The following FCHO1 variants were observed in gnomAD, a reference collection of about 807,000 sequenced individuals.
FCHO1 encodes FCH and mu domain containing endocytic adaptor 1, also known as F-BAR domain only protein 1.
A neutral mutation model predicts 114.4 loss-of-function variants in FCHO1; 45 were observed. That is an observed-to-expected ratio of 0.39 (90% CI 0.31 to 0.50). The LOEUF (loss-of-function observed/expected upper bound fraction) is 0.50, where lower values mean the gene tolerates loss of function less well. FCHO1 is among the 20% of genes least tolerant of loss of function. The probability of loss-of-function intolerance (pLI) is 0.77; values close to 1 mark genes in which losing one functional copy is unlikely to be tolerated. For synonymous variants in FCHO1, 480 were observed against 488.9 expected (o/e 0.98, Z 0.24); for missense variants, 1,042 against 1,209.6 (o/e 0.86, Z 2.06).
chr19:17,766,924 C>T, intron 7 of FCHO1, 114 bp downstream of exon 7: 1 of 1,146,552 alleles, frequency 8.7e-7, no homozygotes, highest in Non-Finnish European at 1.2e-6. Flanking sequence ...CCGAGAATTC[C>T]GTTAATTCCA....
chr19:17,761,969 T>C (rs1279315686), intron 4 of FCHO1, among the ~76,000 whole-genome samples: 1 of 148,112 alleles, frequency 6.8e-6, no homozygotes, highest in Non-Finnish European at 1.5e-5. Flanking sequence ...TTTATTTTTA[T>C]TTCATTCATT....
At chr19:17,774,573 G>A in intron 13 of FCHO1, 95 bp downstream of exon 13, 2 of 963,104 alleles carry the variant, frequency 2.1e-6, no homozygotes, top group Non-Finnish European at 3.2e-6. Flanking sequence ...GGATAGCCCA[G>A]GAGTATCCAT....
chr19:17,756,954 C>T (rs553173336), intron 4 of FCHO1, among the ~76,000 whole-genome samples: 3 of 151,950 alleles, frequency 2.0e-5, no homozygotes, highest in East Asian at 1.9e-4. Context: ...TTTGGGAGGC[C>T]GAGGGAGGCG....
chr19:17,758,132 G>A lies in FCHO1; in HGVS notation c.27+2941G>A, dbSNP rs151177700. The stretch of plus-strand genomic sequence containing the variant: ...GAGGAGGCTGAGGCAGGAGAATGGC[G>A]TGAACCCAGGAGACAGAGCTTGCAG... On this transcript the variant is annotated intron_variant, in intron 4 of 28. Transcript: ENST00000596536. Among the ~76,000 whole-genome samples, 356 of 151,874 alleles carry A rather than the reference G, an allele frequency of 2.3e-3. 3 individuals are homozygous for A. Among genetic ancestry groups the A allele is most frequent in the African/African-American group, 8.4e-3 (349 of 41,418 alleles).
At chr19:17,762,941 G>A (rs2086941130) in intron 5 of FCHO1, 88 bp downstream of exon 5, 3 of 898,226 alleles carry the variant, frequency 3.3e-6, no homozygotes, top group East Asian at 4.9e-5. Context: ...CATGGTCAGG[G>A]GCTAGAACCC....
At position 17,775,873 on chromosome 19, in the gene FCHO1, G is replaced by C; in HGVS notation, c.1004-110G>C. The C allele has an allele frequency of 7.6e-7, 1 of 1,317,070 alleles. No homozygotes were observed. Among genetic ancestry groups the C allele is most frequent in the Non-Finnish European group, 1.0e-6 (1 of 955,012 alleles). 81.6% of individuals were successfully genotyped at this position (1,317,070 alleles called of 1,614,324 possible). A position where few individuals can be genotyped will look rare whatever the true frequency, so the allele number is the denominator to read the frequency against. ...GAAGGTGGCGCGTGGTGAGCGATGG[G>C]ATTGGGCAGGACCTCGAAGGGTTTG... is the stretch of plus-strand genomic sequence containing the variant. On this transcript the variant is annotated intron_variant, in intron 15 of 28. Coordinates refer to ENST00000596536, the MANE Select transcript of FCHO1 (RefSeq NM_015122.3). This position sits in a 1 kb window ranked among gnomAD's most constrained non-coding sequence, Gnocchi z 5.1.
At chr19:17,774,172 G>A in intron 11 of FCHO1, 67 bp from the exon 12 acceptor site, 1 of 1,497,104 alleles carries the variant, frequency 6.7e-7, no homozygotes, top group East Asian at 2.3e-5. Flanking sequence ...GCCTCCCAAA[G>A]TGCTGGGATT....
chr19:17,748,219 C>T (rs922375941), upstream of FCHO1, among the ~76,000 whole-genome samples: 1 of 152,182 alleles, frequency 6.6e-6, no homozygotes, highest in African/African-American at 2.4e-5. Flanking sequence ...TCCCTCTTCC[C>T]AGCTCCGGCC....
chr19:17,761,118 G>C (rs759530529), intron 4 of FCHO1, among the ~76,000 whole-genome samples: 1 of 152,186 alleles, frequency 6.6e-6, no homozygotes, highest in Non-Finnish European at 1.5e-5. Context: ...TCAGTTCCCA[G>C]TGGCACTAAC....
Position 17,772,653 on chromosome 19 carries a change from G to T in FCHO1, c.702G>T (p.Glu234Asp). The change falls in exon 11 of 29, where the codon GAG becomes GAT. Residue 234 changes from glutamate (E) to aspartate (D), a missense_variant. Physicochemically the swap from Glu to Asp is conservative, Grantham distance 45. Transcript: ENST00000596536. ...CCGCCCACCCGGCACAGGTGCATGAGGAATTTAAGCAGAACATCGAGAACG... is the reference window on the plus strand; with the variant it reads ...CCGCCCACCCGGCACAGGTGCATGATGAATTTAAGCAGAACATCGAGAACG... ...DTHVQIGQVH[E>D]EFKQNIENVS... 6.2e-7 allele frequency: 1 copy of T among 1,614,084 alleles called. No individual in the cohort carries two copies. The highest frequency in any genetic ancestry group is 1.1e-5 in the South Asian group (1 of 91,076).
At chr19:17,761,653 T>TATATATATATATATATATATAC (rs1491266072) in intron 4 of FCHO1, among the ~76,000 whole-genome samples, 28 of 139,770 alleles carry the variant, frequency 2.0e-4, no homozygotes, top group Non-Finnish European at 3.5e-4. Flanking sequence ...TATATATATA[T>TATATATATATATATATATATAC]ACACACACAC....
At chr19:17,759,812 TA>T (rs112215096) in intron 4 of FCHO1, among the ~76,000 whole-genome samples, 25,894 of 149,880 alleles carry the variant, frequency 0.17, 2,355 homozygotes, top group African/African-American at 0.19. Context: ...ACACGCCTGT[TA>T]AAAAAAAAAT....
intron 11 of FCHO1, among the ~76,000 whole-genome samples, chr19:17,773,903 C>CT (rs58272005): frequency 2.8e-4 from 37 of 132,858 alleles, no homozygotes; most frequent in Middle Eastern, 3.7e-3. Context: ...CTCTCTCTCT[C>CT]TTTTTTTTTT....
Position 17,785,383 on chromosome 19 carries a change from G to A in FCHO1, c.2426+459G>A, listed in dbSNP as rs1172287637. ...TTACAGGTGCCTGCTACCACACCCA[G>A]CTGATTTTTGTGTTTTTTTAGTAGA... On this transcript the variant is annotated intron_variant, in intron 26 of 28. Transcript: ENST00000596536. 2.0e-5 allele frequency among the ~76,000 whole-genome samples: 3 copies of A among 152,072 alleles called. No individual in the cohort carries two copies. In the East Asian group the frequency reaches 5.8e-4, roughly 29 times the overall value.
At chr19:17,757,643 T>C (rs2084172689) in intron 4 of FCHO1, among the ~76,000 whole-genome samples, 1 of 152,100 alleles carries the variant, frequency 6.6e-6, no homozygotes, top group Admixed American at 6.6e-5. Flanking sequence ...AGGTGGAGCG[T>C]GGTAGCTCAC....
At chr19:17,771,839 G>A (rs918793371) in intron 9 of FCHO1, among the ~76,000 whole-genome samples, 4 of 151,764 alleles carry the variant, frequency 2.6e-5, no homozygotes, top group African/African-American at 9.7e-5. Flanking sequence ...TTTTGAGATG[G>A]GATCTCTCTG....
rs771352198 is a variant in FCHO1 at position 17,784,309 on chromosome 19, C to T, written c.2226+74C>T. On this transcript the variant is annotated intron_variant, in intron 25 of 28. Coordinates refer to ENST00000596536, the MANE Select transcript of FCHO1 (RefSeq NM_015122.3). This position sits in a 1 kb window ranked among gnomAD's most constrained non-coding sequence, Gnocchi z 5.3. ...GGTGAGCCGGCAGCAGACATGGAGG[C>T]GCCTGCGTGTTGGCCAGGCTGGTCT... The T allele has an allele frequency of 1.3e-5, 20 of 1,516,392 alleles. No individual in the cohort carries two copies. Among genetic ancestry groups the T allele is most frequent in the East Asian group, 2.5e-5 (1 of 40,644 alleles). The allele number at this position is 1,516,392 out of a possible 1,614,324, so 93.9% of individuals were successfully genotyped here.
At chr19:17,772,770 G>T in intron 11 of FCHO1, 29 bp downstream of exon 11, 1 of 1,556,408 alleles carries the variant, frequency 6.4e-7, no homozygotes, top group East Asian at 2.2e-5. Context: ...TGGGGGTCGG[G>T]CTTCGGGGCC....
At chr19:17,748,507 T>TTG (rs2081124979), upstream of FCHO1, among the ~76,000 whole-genome samples, 1 of 134,346 alleles carries the variant, frequency 7.4e-6, no homozygotes, top group African/African-American at 2.8e-5. Context: ...AGCCTGGACT[T>TTG]GGGGGGGGGG....
Sources: allele counts gnomAD v4.1 joint callset (sites outside exome capture counted in the v4.1 genomes callset), GRCh38; gene constraint gnomAD v4.1.1; non-coding constraint Gnocchi (gnomAD v3.1); transcripts MANE v1.5; gene names NCBI Gene and HGNC (gene_info 2026-07-23, HGNC 2026-07-21).